Variants in RASSF3 observed in about 807,000 individuals in gnomAD.
RASSF3 encodes ras association domain-containing protein 3.
A neutral mutation model predicts 19.9 loss-of-function variants in RASSF3; 19 were observed. The observed-to-expected ratio is 0.96, with a 90% confidence interval of 0.67 to 1.40. RASSF3 has a LOEUF of 1.40. Ranked by LOEUF, RASSF3 falls within the 40% of genes most tolerant of loss-of-function variation. RASSF3 has a pLI of 0.00. For synonymous variants in RASSF3, 110 were observed against 104.2 expected (o/e 1.06, Z -0.34); for missense variants, 306 against 289.8 (o/e 1.06, Z -0.41).
chr12:64,521,351 G>A (rs1302572837), intron 1 of RASSF3, among the ~76,000 whole-genome samples: 1 of 152,146 alleles, frequency 6.6e-6, no homozygotes, highest in Admixed American at 6.5e-5. Context: ...CTCTTGTGAG[G>A]CTGAGATTAA....
chr12:64,668,489 C>G (rs536314246), intron 1 of RASSF3, among the ~76,000 whole-genome samples: 2 of 152,090 alleles, frequency 1.3e-5, no homozygotes, highest in East Asian at 3.9e-4. Flanking sequence ...CTAGGCTGGT[C>G]TCAAACTCCT....
chr12:64,584,145 C>T (rs757451747), intron 2 of RASSF3, among the ~76,000 whole-genome samples: 8 of 152,206 alleles, frequency 5.3e-5, no homozygotes, highest in Non-Finnish European at 1.2e-4. Context: ...TTATGAGCTG[C>T]AGCAAAACTC....
At chr12:64,523,821 C>T (rs1177983520) in intron 1 of RASSF3, among the ~76,000 whole-genome samples, 2 of 151,826 alleles carry the variant, frequency 1.3e-5, no homozygotes, top group Non-Finnish European at 2.9e-5. Context: ...AATCCTCCCA[C>T]CTCAGCTTCC....
chr12:64,594,488 A>G (rs1001799931), intron 2 of RASSF3, among the ~76,000 whole-genome samples: 1 of 152,158 alleles, frequency 6.6e-6, no homozygotes, highest in African/African-American at 2.4e-5. Flanking sequence ...CTATAAATTT[A>G]TTTTTATAAA....
intron 2 of RASSF3, among the ~76,000 whole-genome samples, chr12:64,586,580 G>GTAT (rs1411573245): frequency 6.7e-6 from 1 of 148,302 alleles, no homozygotes; most frequent in Non-Finnish European, 1.5e-5. Context: ...TATATTACAA[G>GTAT]TATTATTATT....
At chr12:64,650,839 G>A (rs1871927628) in intron 1 of RASSF3, among the ~76,000 whole-genome samples, 1 of 152,048 alleles carries the variant, frequency 6.6e-6, no homozygotes, top group Admixed American at 6.6e-5. Flanking sequence ...ACACATTTTT[G>A]CCTAAGCTGT....
At chr12:64,640,347 A>G (rs972685539) in intron 1 of RASSF3, among the ~76,000 whole-genome samples, 1 of 152,180 alleles carries the variant, frequency 6.6e-6, no homozygotes, top group African/African-American at 2.4e-5. Context: ...TCTCAACACA[A>G]AAGTGTACAG....
chr12:64,509,237 G>A (rs1259886522), intron 1 of RASSF3, among the ~76,000 whole-genome samples: 4 of 152,176 alleles, frequency 2.6e-5, no homozygotes, highest in Non-Finnish European at 5.9e-5. Context: ...ATCACTTGAG[G>A]TCAGGAGTTT....
At chr12:64,650,255 T>G (rs914354427) in intron 1 of RASSF3, among the ~76,000 whole-genome samples, 2 of 152,088 alleles carry the variant, frequency 1.3e-5, no homozygotes, top group African/African-American at 4.8e-5. Context: ...TTCGATTATC[T>G]CCATGCCAAA....
intron 1 of RASSF3, among the ~76,000 whole-genome samples, chr12:64,540,502 G>C (rs1447032955): frequency 6.6e-6 from 1 of 152,086 alleles, no homozygotes; most frequent in Non-Finnish European, 1.5e-5. Flanking sequence ...ATGAATGTTT[G>C]GCTATTATTT....
intron 1 of RASSF3, among the ~76,000 whole-genome samples, chr12:64,623,887 G>T (rs1870888025): frequency 6.6e-6 from 1 of 151,868 alleles, no homozygotes; most frequent in Non-Finnish European, 1.5e-5. Context: ...GGCCTCAACC[G>T]ATCTGCCCGC....
intron 1 of RASSF3, among the ~76,000 whole-genome samples, chr12:64,638,310 G>A (rs1246865364): frequency 1.3e-5 from 2 of 152,162 alleles, no homozygotes; most frequent in Non-Finnish European, 2.9e-5. Flanking sequence ...GCCGGGCGCC[G>A]TGGCTCATGC....
rs145530172 is a variant in RASSF3, at chr12:64,648,355, G to A, written c.112-36432G>A. ...ACTTGCAGTAGGATGTCCATCATGTGGGACTGAAGGCTAGCTGGGAGGTAT... is the reference window on the plus strand; with the variant it reads ...ACTTGCAGTAGGATGTCCATCATGTAGGACTGAAGGCTAGCTGGGAGGTAT... On this transcript the variant is annotated intron_variant, in intron 1 of 4. Coordinates refer to ENST00000542104, the MANE Select transcript of RASSF3 (RefSeq NM_178169.4). 1.5e-3 allele frequency among the ~76,000 whole-genome samples: 233 copies of A among 152,236 alleles called. 1 individual carries two copies. The highest frequency in any genetic ancestry group is 3.7e-3 in the Admixed American group (57 of 15,286).
intron 2 of RASSF3, among the ~76,000 whole-genome samples, chr12:64,576,834 G>A (rs1405678009): frequency 1.4e-5 from 2 of 141,006 alleles, no homozygotes; most frequent in Non-Finnish European, 3.0e-5. Flanking sequence ...CTGGGCAATG[G>A]AGTGAGACCC....
chr12:64,591,828 G>T lies in RASSF3; in HGVS notation c.294+50123G>T, dbSNP rs187173872. 2.1e-3 allele frequency among the ~76,000 whole-genome samples: 321 copies of T among 151,608 alleles called. 1 individual carries two copies. The highest frequency in any genetic ancestry group is 7.5e-3 in the African/African-American group (311 of 41,310). On this transcript the variant is annotated intron_variant, in intron 2 of 5. Coordinates refer to the RASSF3 transcript ENST00000637125. The stretch of plus-strand genomic sequence containing the variant: ...AAACCTAGATATAGTCACATCAGTT[G>T]TGCTTCCATTATGTGTTCTCATCTG...
chr12:64,552,138 T>C (rs937435674), intron 2 of RASSF3, among the ~76,000 whole-genome samples: 7 of 152,056 alleles, frequency 4.6e-5, no homozygotes, highest in Non-Finnish European at 8.8e-5. Flanking sequence ...CTGTGCTTTG[T>C]TTTTTAAAGG....
chr12:64,690,274 T>A (rs112331144), intron 3 of RASSF3, among the ~76,000 whole-genome samples: 2,480 of 151,728 alleles, frequency 0.016, 74 homozygotes, highest in African/African-American at 0.056. Flanking sequence ...CTCCGCCTCC[T>A]GGGTTCCAGT....
At chr12:64,591,031 G>A (rs1869912085) in intron 2 of RASSF3, among the ~76,000 whole-genome samples, 1 of 152,162 alleles carries the variant, frequency 6.6e-6, no homozygotes, top group African/African-American at 2.4e-5. Context: ...GAGAGTTTTT[G>A]TAGAGCTTTG....
rs554981231 is a variant in RASSF3 at position 64,658,452 on chromosome 12, G to A, written c.112-26335G>A. ...ACTCAAATACAAACACAATGTTTTT[G>A]CGCTTTGTAAGCATGGTTATGGAGC... On this transcript the variant is annotated intron_variant, in intron 1 of 4. Transcript: ENST00000542104. 3.3e-5 allele frequency among the ~76,000 whole-genome samples: 5 copies of A among 152,292 alleles called. No individual in the cohort carries two copies. In the South Asian group the frequency reaches 6.2e-4, roughly 19 times the overall value.
Sources: allele counts gnomAD v4.1 joint callset (sites outside exome capture counted in the v4.1 genomes callset), GRCh38; gene constraint gnomAD v4.1.1; transcripts MANE v1.5; gene names NCBI Gene and HGNC (gene_info 2026-07-23, HGNC 2026-07-21).